Variants in NLRP14 observed in about 807,000 individuals in gnomAD.
NLRP14 encodes the protein NACHT, LRR and PYD domains-containing protein 14.
NLRP14 carries 105 observed loss-of-function variants against 94.7 expected under a neutral mutation model. That is an observed-to-expected ratio of 1.11 (90% CI 0.95 to 1.30). The LOEUF (loss-of-function observed/expected upper bound fraction) is 1.30, where lower values mean the gene tolerates loss of function less well. Ranked by LOEUF, NLRP14 falls within the 50% of genes most tolerant of loss-of-function variation. NLRP14 has a pLI of 0.00. For missense variants in NLRP14, 1,362 were observed against 1,254.1 expected (o/e 1.09, Z -1.30); for synonymous variants, 508 against 459.9 (o/e 1.10, Z -1.34).
intron 6 of NLRP14, among the ~76,000 whole-genome samples, chr11:7,057,432 C>G (rs1565023203): frequency 6.6e-6 from 1 of 152,124 alleles, no homozygotes; most frequent in African/African-American, 2.4e-5. Flanking sequence ...TTTGAATGCT[C>G]TCAAATGTAT....
downstream of NLRP14, among the ~76,000 whole-genome samples, chr11:7,071,950 A>G (rs141022899): frequency 2.3e-3 from 347 of 152,326 alleles, no homozygotes; most frequent in African/African-American, 8.1e-3. Context: ...AAAGATAAGG[A>G]GGATTAATTT....
chr11:7,075,500 A>G (rs1054042068), downstream of NLRP14, among the ~76,000 whole-genome samples: 1 of 152,222 alleles, frequency 6.6e-6, no homozygotes, highest in Non-Finnish European at 1.5e-5. Context: ...TTATAACATG[A>G]TGAGGAATGT....
At chr11:7,049,208 G>C (rs1852403945) in intron 5 of NLRP14, among the ~76,000 whole-genome samples, 1 of 152,168 alleles carries the variant, frequency 6.6e-6, no homozygotes, top group Non-Finnish European at 1.5e-5. Context: ...TTTTGCTTGG[G>C]CTGCCTCCGT....
chr11:7,043,741 A>G lies in NLRP14; in HGVS notation c.1715A>G (p.Tyr572Cys), dbSNP rs999705133. 1 of 1,614,160 alleles carries G rather than the reference A, an allele frequency of 6.2e-7. No homozygotes were observed. The highest frequency in any genetic ancestry group is 2.2e-5 in the East Asian group (1 of 44,890). The stretch of plus-strand genomic sequence containing the variant: ...ATGGAAGTATTAGGAAACAGTGACT[A>G]TTCTCCATCACAGCTGGGATTTCTG... ...QCMEVLGNSDYSPSQLGFLEL... is the reference protein window; with the variant it reads ...QCMEVLGNSDCSPSQLGFLEL... Residue 572 changes from tyrosine (Y) to cysteine (C), a missense_variant, in exon 4 of 12, where the codon TAT (tyrosine) becomes TGT (cysteine). By Grantham distance (194) the Tyr-to-Cys change is radical. Coordinates refer to ENST00000299481, the MANE Select transcript of NLRP14 (RefSeq NM_176822.4).
At chr11:7,059,806 G>C (rs1852584787) in intron 8 of NLRP14, 88 bp from the exon 9 acceptor site, 1 of 1,145,868 alleles carries the variant, frequency 8.7e-7, no homozygotes, top group African/African-American at 1.5e-5. Flanking sequence ...AATAGATAAG[G>C]GATCAAATCA....
At chr11:7,066,782 A>G (rs539142387) in intron 10 of NLRP14, among the ~76,000 whole-genome samples, 19 of 152,214 alleles carry the variant, frequency 1.2e-4, no homozygotes, top group Non-Finnish European at 2.8e-4. Context: ...TATGTCCTGA[A>G]TGGTATTGCC....
At chr11:7,024,530 T>A (rs1365278787) in intron 1 of NLRP14, among the ~76,000 whole-genome samples, 1 of 152,164 alleles carries the variant, frequency 6.6e-6, no homozygotes, top group Non-Finnish European at 1.5e-5. Context: ...ATCTTAGTAG[T>A]TCACTTGCTG....
chr11:7,075,284 T>G (rs1852861619), downstream of NLRP14, among the ~76,000 whole-genome samples: 1 of 152,214 alleles, frequency 6.6e-6, no homozygotes, highest in Non-Finnish European at 1.5e-5. Context: ...CACTTATGAC[T>G]ATGCAAAGAC....
At position 7,067,943 on chromosome 11, in the gene NLRP14, A is replaced by T. The variant is rs371367740; in HGVS notation, c.2976-2343A>T. 5.3e-5 allele frequency among the ~76,000 whole-genome samples: 8 copies of T among 152,122 alleles called. No individual in the cohort carries two copies. The East Asian group carries it at 1.5e-3, about 29-fold the overall frequency. ...AACCTGGAGTTTCTTTGTATGTAGG[A>T]TTTTTGACTTCTGATTCAATTTTTT... is the stretch of plus-strand genomic sequence containing the variant. On this transcript the variant is annotated intron_variant, in intron 10 of 11. Coordinates refer to ENST00000299481, the MANE Select transcript of NLRP14 (RefSeq NM_176822.4).
intron 1 of NLRP14, 83 bp from the exon 2 acceptor site, chr11:7,038,483 A>G (rs886456777): frequency 3.9e-5 from 44 of 1,124,646 alleles, no homozygotes; most frequent in Middle Eastern, 2.9e-4. Context: ...ATTAATCTAT[A>G]TAAGTATTTC....
At chr11:7,049,473 C>T (rs1167000469) in intron 5 of NLRP14, among the ~76,000 whole-genome samples, 198 bp from the exon 6 acceptor site, 6 of 151,864 alleles carry the variant, frequency 4.0e-5, no homozygotes, top group East Asian at 1.9e-4. Context: ...CCTTCTTTTC[C>T]GTTAAGGTAA....
the NLRP14 span, among the ~76,000 whole-genome samples, chr11:7,081,592 A>G: frequency 1.3e-5 from 2 of 152,018 alleles, no homozygotes; most frequent in African/African-American, 4.8e-5. Flanking sequence ...TTTTTCTAAG[A>G]TGGAGTTAGT....
chr11:7,032,049 G>T (rs1184713635), intron 1 of NLRP14, among the ~76,000 whole-genome samples: 1 of 152,130 alleles, frequency 6.6e-6, no homozygotes, highest in Non-Finnish European at 1.5e-5. Context: ...AGTACAGATG[G>T]CAGGCATTCA....
At chr11:7,056,494 G>A (rs1193296209) in intron 6 of NLRP14, among the ~76,000 whole-genome samples, 2 of 104,818 alleles carry the variant, frequency 1.9e-5, no homozygotes, top group Non-Finnish European at 1.8e-5. Flanking sequence ...TCCCATAGCT[G>A]AAATTCTATT....
Position 7,043,244 on chromosome 11 carries a change from C to T in NLRP14, c.1218C>T (p.Ser406=). 3 of 1,614,180 alleles carry T rather than the reference C, an allele frequency of 1.9e-6. No homozygotes were observed. Among genetic ancestry groups the T allele is most frequent in the Non-Finnish European group, 2.5e-6 (3 of 1,180,020 alleles). Residue 406 remains serine, a synonymous_variant, in exon 4 of 12, where the codon AGC becomes AGT. Transcript: ENST00000299481. ...TTALFTCYIS[S]LFTPVDGGSP... is the part of the protein sequence containing the mutation. The stretch of plus-strand genomic sequence containing the variant: ...CTCTGTTTACCTGCTATATTTCTAG[C>T]TTGTTCACACCAGTAGATGGAGGCT...
intron 10 of NLRP14, 126 bp from the exon 11 acceptor site, chr11:7,070,160 A>T: frequency 2.8e-6 from 2 of 709,062 alleles, no homozygotes; most frequent in Non-Finnish European, 5.0e-6. Context: ...CCTTGAATTT[A>T]TACTAACTGT....
rs145488416 is a variant in NLRP14 at position 7,042,808 on chromosome 11, T to G, written c.782T>G (p.Phe261Cys). The change falls in exon 4 of 12, where the codon TTC becomes TGC. Residue 261 changes from phenylalanine to cysteine, a missense_variant. By Grantham distance (205) the Phe-to-Cys change is radical (BLOSUM62 -2). Transcript: ENST00000299481. ...AGCCTCTTGTTTATTATTGACAGTTTCGATGAACTGAACTTTGCCTTTGAA... is the reference window on the plus strand; with the variant it reads ...AGCCTCTTGTTTATTATTGACAGTTGCGATGAACTGAACTTTGCCTTTGAA... ...PSSLLFIIDS[F>C]DELNFAFEEP... 22 of 1,614,068 alleles carry G rather than the reference T, an allele frequency of 1.4e-5. No individual in the cohort carries two copies. The highest frequency in any genetic ancestry group is 1.9e-5 in the Non-Finnish European group (22 of 1,180,028).
downstream of NLRP14, among the ~76,000 whole-genome samples, chr11:7,073,959 G>T (rs7130640): frequency 0.62 from 94,024 of 151,894 alleles, 29,459 homozygotes; most frequent in East Asian, 0.78. Context: ...TTCTTTGGAG[G>T]TCGGGATGGG....
At chr11:7,089,246 C>A in the NLRP14 span, 11 of 1,612,382 alleles carry the variant, frequency 6.8e-6, no homozygotes, top group African/African-American at 1.3e-4. Flanking sequence ...TGATGAAAGA[C>A]CGAGAAACCA....
Sources: gnomAD v4.1 joint callset for allele counts (sites outside exome capture counted in the v4.1 genomes callset) on GRCh38, gnomAD v4.1.1 for gene constraint, MANE v1.5 for transcripts, NCBI Gene and HGNC (gene_info 2026-07-23, HGNC 2026-07-21) for gene names.